The following MTOR variants were observed in gnomAD, a reference collection of about 807,000 sequenced individuals.
MTOR encodes serine/threonine-protein kinase mTOR.
Under a neutral mutation model 319.8 loss-of-function variants are expected in MTOR, and 70 were observed. That is an observed-to-expected ratio of 0.22 (90% CI 0.18 to 0.27). MTOR has a LOEUF of 0.27. MTOR is among the 10% of genes least tolerant of loss of function. The pLI, the probability that MTOR is intolerant of heterozygous loss-of-function variation, is 1.00. For synonymous variants in MTOR, 1,183 were observed against 1,211.4 expected (o/e 0.98, Z 0.49); for missense variants, 1,890 against 3,274.4 (o/e 0.58, Z 10.32).
At chr1:11,215,274 A>T (rs560896091) in intron 20 of MTOR, among the ~76,000 whole-genome samples, 21 of 152,230 alleles carry the variant, frequency 1.4e-4, no homozygotes, top group African/African-American at 5.1e-4. Context: ...CGGCCTCTTT[A>T]GCATTCTGCC....
chr1:11,150,144 C>T lies in MTOR; in HGVS notation c.4552G>A (p.Ala1518Thr). 6.2e-7 allele frequency: 1 copy of T among 1,614,058 alleles called. No homozygotes were observed. Residue 1518 changes from alanine to threonine, a missense_variant, in exon 31 of 58, where the codon GCA (alanine) becomes ACA (threonine). Physicochemically the swap from Ala to Thr is moderately conservative, Grantham distance 58 (BLOSUM62 0). Transcript: ENST00000361445. ...GCTTTACCTAAACCCCATGCAGCTG[C>T]AGCAGCCATCCGGGCCATCTTGGCT... is the stretch of plus-strand genomic sequence containing the variant. ...TQAKMARMAA[A>T]AAWGLGQWDS... is the part of the protein sequence containing the mutation.
rs561694001 is a variant in MTOR, at chr1:11,212,752, C to A, written c.3398+44G>T. 2 of 1,500,382 alleles carry A rather than the reference C, an allele frequency of 1.3e-6. No homozygotes were observed. Among genetic ancestry groups the A allele is most frequent in the Non-Finnish European group, 9.3e-7 (1 of 1,080,098 alleles). 92.9% of individuals were successfully genotyped at this position (1,500,382 alleles called of 1,614,324 possible). ...TAAGAAATGAACATTTTCAACAAAA[C>A]ATTAAAGCTTAAAGATTGCTAGTCC... is the stretch of plus-strand genomic sequence containing the variant. On this transcript the variant is annotated intron_variant, in intron 22 of 57. Coordinates refer to ENST00000361445, the MANE Select transcript of MTOR (RefSeq NM_004958.4). This position sits in a 1 kb window ranked among gnomAD's most constrained non-coding sequence, Gnocchi z 4.1.
At chr1:11,125,360 G>T (rs1209939463) in intron 46 of MTOR, among the ~76,000 whole-genome samples, 1 of 152,194 alleles carries the variant, frequency 6.6e-6, no homozygotes, top group Non-Finnish European at 1.5e-5. Flanking sequence ...CTCATGCAGA[G>T]ATAATCACCT....
chr1:11,147,384 T>C (rs905769385), intron 31 of MTOR, among the ~76,000 whole-genome samples: 2 of 152,186 alleles, frequency 1.3e-5, no homozygotes, highest in African/African-American at 2.4e-5. Context: ...CTCTGTGTCA[T>C]ATTAGACAGG....
At chr1:11,108,061 G>T in intron 57 of MTOR, 120 bp downstream of exon 57, 1 of 689,846 alleles carries the variant, frequency 1.4e-6, no homozygotes, top group East Asian at 2.7e-5. Flanking sequence ...AAAGAGATCT[G>T]AGCTCTAACT....
chr1:11,168,164 C>T (rs1323344163), intron 28 of MTOR, among the ~76,000 whole-genome samples: 2 of 150,652 alleles, frequency 1.3e-5, no homozygotes, highest in Non-Finnish European at 3.0e-5. Flanking sequence ...ACCTTGGATA[C>T]GAAATTATCC....
chr1:11,162,069 T>C (rs7553514), intron 29 of MTOR, among the ~76,000 whole-genome samples: 150,555 of 152,328 alleles, frequency 0.99, 74,439 homozygotes, highest in East Asian at 1. Flanking sequence ...CTAGAATAAC[T>C]GGTGTAGAGA....
At position 11,108,305 on chromosome 1, in the gene MTOR, A is replaced by G; in HGVS notation, c.7529-19T>C. On this transcript the variant is annotated intron_variant, in intron 56 of 57. Transcript: ENST00000361445. ...TCCCGACCTAGCACAGGAGGAACAA[A>G]AACATTTCACTCTCTTCCTGGCAAT... is the stretch of plus-strand genomic sequence containing the variant. The G allele has an allele frequency of 1.3e-6, 2 of 1,588,946 alleles. No homozygotes were observed. The highest frequency in any genetic ancestry group is 1.7e-6 in the Non-Finnish European group (2 of 1,157,214).
chr1:11,139,399 C>T lies in MTOR; in HGVS notation c.5035G>A (p.Val1679Ile). ...TGGTCAAGTTGCCGAGACGGATCAA[C>T]TCCCAGGAGCAACACTAAAGTTTTA... is the stretch of plus-strand genomic sequence containing the variant. ...AHKTLVLLLG[V>I]DPSRQLDHPL... is the part of the protein sequence containing the mutation. Residue 1679 changes from valine (V) to isoleucine (I), a missense_variant, in exon 36 of 58, where the codon GTT becomes ATT. Val to Ile is a conservative substitution (Grantham distance 29, BLOSUM62 3). Around this residue, in one of 15 missense-constraint regions of MTOR, gnomAD observed 276 missense variants for 459.4 expected, o/e 0.60. Coordinates refer to ENST00000361445, the MANE Select transcript of MTOR (RefSeq NM_004958.4). The T allele has an allele frequency of 6.2e-7, 1 of 1,614,014 alleles. No individual in the cohort carries two copies.
In MTOR at chr1:11,209,445, G is replaced by A. The variant is rs2100782327; in HGVS notation, c.3668C>T (p.Ala1223Val). The A allele has an allele frequency of 6.2e-7, 1 of 1,614,162 alleles. No individual in the cohort carries two copies. Among genetic ancestry groups the A allele is most frequent in the South Asian group, 1.1e-5 (1 of 91,086 alleles). The change falls in exon 25 of 58, where the codon GCT becomes GTT. Residue 1223 changes from alanine to valine, a missense_variant. Physicochemically the swap from Ala to Val is moderately conservative, Grantham distance 64. Coordinates refer to ENST00000361445, the MANE Select transcript of MTOR (RefSeq NM_004958.4). ...AATCAAAGGATCCTCCTCTTCATCA[G>A]CAAGTGTGTATCCCTACAACCAAAG... is the stretch of plus-strand genomic sequence containing the variant. ...ICRIVKGYTL[A>V]DEEEDPLIYQ...
rs2100409049 is a variant in MTOR at position 11,127,776 on chromosome 1, G to C, written c.6064C>G (p.Leu2022Val). Residue 2022 changes from leucine (L) to valine (V), a missense_variant, in exon 44 of 58, where the codon CTC becomes GTC. By Grantham distance (32) the Leu-to-Val change is conservative (BLOSUM62 1). This residue lies in a region of MTOR where 249 missense variants were observed against 596.2 expected (regional missense o/e 0.42). Transcript: ENST00000361445. This position sits in a 1 kb window ranked among gnomAD's most constrained non-coding sequence, Gnocchi z 5.5. ...VSEELIRVAILWHEMWHEGLE... is the reference protein window; with the variant it reads ...VSEELIRVAIVWHEMWHEGLE... The stretch of plus-strand genomic sequence containing the variant: ...CCTTCATGCCACATCTCATGCCAGA[G>C]GATGGCCACTCGGATCAGCTCCTCG... The C allele has an allele frequency of 6.2e-7, 1 of 1,613,772 alleles. No homozygotes were observed. Among genetic ancestry groups the C allele is most frequent in the Non-Finnish European group, 8.5e-7 (1 of 1,179,950 alleles).
At chr1:11,256,592 T>C (rs1650430734) in intron 4 of MTOR, among the ~76,000 whole-genome samples, 1 of 152,154 alleles carries the variant, frequency 6.6e-6, no homozygotes, top group African/African-American at 2.4e-5. Context: ...AAACTGAAGG[T>C]CAGAAGCTGC....
chr1:11,246,826 G>C (rs1569792275), intron 8 of MTOR, among the ~76,000 whole-genome samples: 2 of 152,322 alleles, frequency 1.3e-5, no homozygotes, highest in African/African-American at 4.8e-5. Flanking sequence ...CAGGCAACTA[G>C]AGCATTATAA....
At chr1:11,238,319 G>C in intron 12 of MTOR, 83 bp downstream of exon 12, 1 of 1,400,754 alleles carries the variant, frequency 7.1e-7, no homozygotes, top group Non-Finnish European at 1.0e-6. Flanking sequence ...GAACTCTAGA[G>C]AGGCCATGTA....
chr1:11,253,311 T>G (rs1649943051), intron 6 of MTOR, among the ~76,000 whole-genome samples: 1 of 152,132 alleles, frequency 6.6e-6, no homozygotes, highest in South Asian at 2.1e-4. Flanking sequence ...TCCCCACATT[T>G]TTTCCTATAA....
At chr1:11,255,935 G>A in intron 5 of MTOR, 57 bp downstream of exon 5, 2 of 1,543,416 alleles carry the variant, frequency 1.3e-6, no homozygotes, top group Middle Eastern at 2.2e-4. Flanking sequence ...CTTTAGGCCA[G>A]GTGATTCTCT....
chr1:11,128,263 G>C lies in MTOR; in HGVS notation c.5911-137C>G. The stretch of plus-strand genomic sequence containing the variant: ...CTTGAGACTACCAGGAAGGGGCTCA[G>C]TCTTCGAGGGAACGCTTTCTTTTTA... On this transcript the variant is annotated intron_variant, in intron 42 of 57. Coordinates refer to ENST00000361445, the MANE Select transcript of MTOR (RefSeq NM_004958.4). The surrounding 1 kb of genome is among the most constrained non-coding windows in gnomAD (Gnocchi z 5.3). The C allele has an allele frequency of 7.3e-7, 1 of 1,363,462 alleles. No homozygotes were observed. The highest frequency in any genetic ancestry group is 1.4e-5 in the South Asian group (1 of 73,706). The allele number at this position is 1,363,462 out of a possible 1,614,324, so 84.5% of individuals were successfully genotyped here. A position where few individuals can be genotyped will look rare whatever the true frequency, so the allele number is the denominator to read the frequency against.
At chr1:11,236,591 T>C (rs1199176043) in intron 13 of MTOR, among the ~76,000 whole-genome samples, 1 of 150,382 alleles carries the variant, frequency 6.6e-6, no homozygotes, top group Non-Finnish European at 1.5e-5. Flanking sequence ...CACTGCAACC[T>C]TCACCTCCTG....
At chr1:11,225,951 G>A (rs1646821914) in intron 19 of MTOR, among the ~76,000 whole-genome samples, 1 of 152,130 alleles carries the variant, frequency 6.6e-6, no homozygotes, top group African/African-American at 2.4e-5. Context: ...ACAGATCTTT[G>A]AGCCCATAGT....
Sources: allele counts gnomAD v4.1 joint callset (sites outside exome capture counted in the v4.1 genomes callset), GRCh38; gene constraint gnomAD v4.1.1; regional missense constraint gnomAD v4.1.1; non-coding constraint Gnocchi (gnomAD v3.1); transcripts MANE v1.5; gene names NCBI Gene and HGNC (gene_info 2026-07-23, HGNC 2026-07-21).